The following EFCAB5 variants were observed in gnomAD, a reference collection of about 807,000 sequenced individuals.
EFCAB5 encodes EF-hand calcium-binding domain-containing protein 5.
In EFCAB5, 131 loss-of-function variants were observed where a neutral mutation model predicts 167.9. That is an observed-to-expected ratio of 0.78 (90% CI 0.68 to 0.90). The LOEUF (loss-of-function observed/expected upper bound fraction) is 0.90. Ranked by LOEUF, EFCAB5 falls within the 40% of genes least tolerant of loss-of-function variation. The probability of loss-of-function intolerance (pLI) is 0.00; values close to 1 mark genes in which losing one functional copy is unlikely to be tolerated. For synonymous variants in EFCAB5, 574 were observed against 602.8 expected (o/e 0.95, Z 0.70); for missense variants, 1,663 against 1,745.2 (o/e 0.95, Z 0.84).
chr17:30,082,496 T>C (rs542750499), intron 17 of EFCAB5, among the ~76,000 whole-genome samples: 14 of 144,664 alleles, frequency 9.7e-5, no homozygotes, highest in African/African-American at 3.6e-4. Flanking sequence ...GTTCAAGCAA[T>C]TGTCCTGCCT....
intron 4 of EFCAB5, among the ~76,000 whole-genome samples, chr17:29,971,813 G>C (rs1597601192): frequency 6.6e-6 from 1 of 151,980 alleles, no homozygotes; most frequent in Admixed American, 6.6e-5. Context: ...TTCAGAATAC[G>C]GTATATATCT....
In EFCAB5 at chr17:29,989,250, C is replaced by T. The variant is rs543174088; in HGVS notation, c.768-3915C>T. Among the ~76,000 whole-genome samples, 9 of 152,226 alleles carry T rather than the reference C, an allele frequency of 5.9e-5. No individual in the cohort carries two copies. In the East Asian group the frequency reaches 1.7e-3, roughly 29 times the overall value. On this transcript the variant is annotated intron_variant, in intron 4 of 22. Transcript: ENST00000394835. ...CTATAATTAAACTGGCGTGAGAAAT[C>T]GAGTTTTGCAAGTGATCATAACATT...
At position 30,023,908 on chromosome 17, in the gene EFCAB5, T is replaced by G. The variant is rs533083491; in HGVS notation, c.1045-10322T>G. ...AAATCAATAAATGTAATCCAGCATA[T>G]AAACAGAACTGAAGACAAAAGCCAC... On this transcript the variant is annotated intron_variant, in intron 7 of 22. Coordinates refer to ENST00000394835, the MANE Select transcript of EFCAB5 (RefSeq NM_198529.4). Among the ~76,000 whole-genome samples, 60 of 152,242 alleles carry G rather than the reference T, an allele frequency of 3.9e-4. 1 individual carries two copies. In the South Asian group the frequency reaches 0.011, roughly 27 times the overall value.
At chr17:30,105,188 CTAAT>C (rs771150517) in intron 22 of EFCAB5, among the ~76,000 whole-genome samples, 2 of 152,064 alleles carry the variant, frequency 1.3e-5, no homozygotes, top group Admixed American at 6.6e-5. Context: ...TTCCAGGAAA[CTAAT>C]TAACAGAAAG....
chr17:29,984,176 A>T (rs1162699630), intron 4 of EFCAB5, among the ~76,000 whole-genome samples: 1 of 151,940 alleles, frequency 6.6e-6, no homozygotes, highest in Non-Finnish European at 1.5e-5. Context: ...TGGGTGAAAA[A>T]CACAGATACA....
At chr17:30,089,753 C>T (rs2071158556) in intron 19 of EFCAB5, among the ~76,000 whole-genome samples, 1 of 152,178 alleles carries the variant, frequency 6.6e-6, no homozygotes, top group Admixed American at 6.5e-5. Flanking sequence ...CCAGCCCAAA[C>T]TGCCCACACA....
In EFCAB5 at chr17:29,962,625, T is replaced by C. The variant is rs112861013; in HGVS notation, c.191-6166T>C. Reference sequence around the variant, plus strand: ...CTGGGACTACGGGTACGTGCCACCATGCCTGGCTTTTTTTTTTTTTTTTTT... The same window carrying C: ...CTGGGACTACGGGTACGTGCCACCACGCCTGGCTTTTTTTTTTTTTTTTTT... On this transcript the variant is annotated intron_variant, in intron 3 of 22. Transcript: ENST00000394835. Among the ~76,000 whole-genome samples, 406 of 140,452 alleles carry C rather than the reference T, an allele frequency of 2.9e-3. 1 individual carries two copies. The highest frequency in any genetic ancestry group is 5.6e-3 in the South Asian group (23 of 4,106). The allele number at this position is 140,452 out of a possible 152,430, so 92.1% of individuals were successfully genotyped here.
chr17:30,062,093 G>A (rs1364741201), intron 14 of EFCAB5, among the ~76,000 whole-genome samples: 1 of 152,084 alleles, frequency 6.6e-6, no homozygotes, highest in Admixed American at 6.5e-5. Flanking sequence ...TTATATTCCA[G>A]TAGGACATTT....
At position 29,996,477 on chromosome 17, in the gene EFCAB5, A is replaced by G. The variant is rs2068546841; in HGVS notation, c.973+117A>G. The G allele has an allele frequency of 1.3e-5, 11 of 832,258 alleles. No homozygotes were observed. In the South Asian group the frequency reaches 1.9e-4, roughly 15 times the overall value. 51.6% of individuals were successfully genotyped at this position (832,258 alleles called of 1,614,324 possible). The stretch of plus-strand genomic sequence containing the variant: ...TGTTATTCAAAACTCTTGCAGGGGC[A>G]ATTAGGCTCTTCCATGCTGTCCAGA... On this transcript the variant is annotated intron_variant, in intron 6 of 22. Transcript: ENST00000394835.
At chr17:30,064,902 G>A (rs1378154445) in intron 14 of EFCAB5, among the ~76,000 whole-genome samples, 1 of 152,058 alleles carries the variant, frequency 6.6e-6, no homozygotes, top group Admixed American at 6.5e-5. Flanking sequence ...AACAGAATGG[G>A]GTGATATATT....
chr17:30,063,125 T>C (rs2070469356), intron 14 of EFCAB5, among the ~76,000 whole-genome samples: 1 of 152,178 alleles, frequency 6.6e-6, no homozygotes, highest in African/African-American at 2.4e-5. Context: ...AGTACCTGGC[T>C]TCTCTGGAGC....
At chr17:30,085,450 A>T (rs2071067590) in intron 18 of EFCAB5, among the ~76,000 whole-genome samples, 1 of 152,204 alleles carries the variant, frequency 6.6e-6, no homozygotes, top group Admixed American at 6.5e-5. Context: ...GTCAGTTTAC[A>T]TGGCTCACGC....
At position 30,090,697 on chromosome 17, in the gene EFCAB5, C is replaced by G. The variant is rs767428321; in HGVS notation, c.3937+23C>G. 5.0e-6 allele frequency: 8 copies of G among 1,593,834 alleles called. No individual in the cohort carries two copies. The Middle Eastern group carries it at 1.2e-3, about 234-fold the overall frequency. ...TAGGTATCGTTCATGTGGCATCAGTCTAAATTCACAGGTTTAATAGGTTTT... is the reference window on the plus strand; with the variant it reads ...TAGGTATCGTTCATGTGGCATCAGTGTAAATTCACAGGTTTAATAGGTTTT... On this transcript the variant is annotated intron_variant, in intron 20 of 22. Coordinates refer to ENST00000394835, the MANE Select transcript of EFCAB5 (RefSeq NM_198529.4).
intron 3 of EFCAB5, among the ~76,000 whole-genome samples, chr17:29,966,664 G>A (rs1254357090): frequency 6.6e-6 from 1 of 152,094 alleles, no homozygotes; most frequent in East Asian, 1.9e-4. Context: ...TTTCTCTACT[G>A]TAAAGTTATT....
At chr17:30,066,060 TA>T (rs1334847077) in intron 14 of EFCAB5, among the ~76,000 whole-genome samples, 2 of 152,216 alleles carry the variant, frequency 1.3e-5, no homozygotes, top group Admixed American at 1.3e-4. Flanking sequence ...AGAAAATCAA[TA>T]AAGAAACATT....
chr17:30,070,986 T>G (rs1422131092), intron 14 of EFCAB5, among the ~76,000 whole-genome samples: 1 of 138,036 alleles, frequency 7.2e-6, no homozygotes. Context: ...AAATTCAATT[T>G]AAAATGGATC....
chr17:30,072,752 G>A (rs1220986179), intron 14 of EFCAB5, among the ~76,000 whole-genome samples: 1 of 152,092 alleles, frequency 6.6e-6, no homozygotes, highest in Admixed American at 6.5e-5. Flanking sequence ...TAGTAATAAC[G>A]TTGACCAGTT....
intron 19 of EFCAB5, among the ~76,000 whole-genome samples, chr17:30,087,392 T>C (rs2071110999): frequency 6.6e-6 from 1 of 152,190 alleles, no homozygotes; most frequent in Non-Finnish European, 1.5e-5. Flanking sequence ...TATCAACCCA[T>C]CACCTAGGTA....
rs368209807 is a variant in EFCAB5 at position 29,993,276 on chromosome 17, C to T, written c.879C>T (p.Phe293=). 24 of 1,613,486 alleles carry T rather than the reference C, an allele frequency of 1.5e-5. No homozygotes were observed. Among genetic ancestry groups the T allele is most frequent in the African/African-American group, 6.7e-5 (5 of 74,874 alleles). Residue 293 remains phenylalanine, a synonymous_variant, in exon 5 of 23, where the codon TTC becomes TTT. Transcript: ENST00000394835. ...GGAAACAGGCTCTGCAGGAGCAATT[C>T]GATGAATGGATTCTAGACCCTAAAG... ...NTRKQALQEQ[F]DEWILDPKGM... is the part of the protein sequence containing the mutation.
Sources: allele counts gnomAD v4.1 joint callset (sites outside exome capture counted in the v4.1 genomes callset), GRCh38; gene constraint gnomAD v4.1.1; transcripts MANE v1.5; gene names NCBI Gene and HGNC (gene_info 2026-07-23, HGNC 2026-07-21).